The following SMAD2 variants were observed in gnomAD, a reference collection of about 807,000 sequenced individuals.
SMAD2 encodes the protein MAD homolog 2.
A neutral mutation model predicts 64.4 loss-of-function variants in SMAD2; 8 were observed. The ratio of observed to expected loss-of-function variants is 0.12; its 90% CI spans 0.07 to 0.22. The LOEUF (loss-of-function observed/expected upper bound fraction) is 0.22. Ranked by LOEUF, SMAD2 falls within the 10% of genes least tolerant of loss-of-function variation. The probability of loss-of-function intolerance (pLI) is 1.00; values close to 1 mark genes in which losing one functional copy is unlikely to be tolerated. For synonymous variants in SMAD2, 203 were observed against 195.8 expected (o/e 1.04, Z -0.31); for missense variants, 289 against 561.2 (o/e 0.51, Z 4.90).
chr18:47,864,758 A>C, intron 6 of SMAD2, among the ~76,000 whole-genome samples: 1 of 152,178 alleles, frequency 6.6e-6, no homozygotes, highest in East Asian at 1.9e-4. Flanking sequence ...TCATAGGGTT[A>C]CTAAAATTTT....
intron 1 of SMAD2, among the ~76,000 whole-genome samples, chr18:47,916,063 T>C (rs2034323230): frequency 6.6e-6 from 1 of 152,354 alleles, no homozygotes; most frequent in Admixed American, 6.5e-5. Flanking sequence ...ACATGATGAA[T>C]TTCATTTACG....
chr18:47,840,269 A>C lies in SMAD2; in HGVS notation c.*1558T>G. 4.3e-6 allele frequency: 1 copy of C among 232,982 alleles called. No individual in the cohort carries two copies. The highest frequency in any genetic ancestry group is 6.0e-5 in the East Asian group (1 of 16,604). The allele number at this position is 232,982 out of a possible 1,614,324, so 14.4% of individuals were successfully genotyped here. ...CCAAAGACAGCTTCAAAAATATGAA[A>C]ATTTATGAAAAGACGACCAGGAGTG... On this transcript the variant is annotated 3_prime_UTR_variant, in exon 11 of 11. Coordinates refer to ENST00000262160, the MANE Select transcript of SMAD2 (RefSeq NM_005901.6).
intron 4 of SMAD2, 97 bp from the exon 5 acceptor site, chr18:47,868,554 A>C (rs987632617): frequency 1.6e-5 from 15 of 962,238 alleles, no homozygotes; most frequent in African/African-American, 4.8e-5. Flanking sequence ...GTTGTAGCTT[A>C]ATTTTTAAAG....
chr18:47,862,717 T>C (rs2031275592), intron 6 of SMAD2, among the ~76,000 whole-genome samples: 1 of 152,204 alleles, frequency 6.6e-6, no homozygotes, highest in Non-Finnish European at 1.5e-5. Flanking sequence ...ACCCTTTAAG[T>C]CTCTTTGTGT....
At chr18:47,928,317 T>TA (rs1251039690) in intron 1 of SMAD2, among the ~76,000 whole-genome samples, 5 of 152,146 alleles carry the variant, frequency 3.3e-5, no homozygotes, top group African/African-American at 7.2e-5. Flanking sequence ...TTGCAAAATG[T>TA]AAAAATTCAA....
chr18:47,894,819 G>C (rs1437755397), intron 2 of SMAD2, among the ~76,000 whole-genome samples: 1 of 152,274 alleles, frequency 6.6e-6, no homozygotes, highest in East Asian at 1.9e-4. Flanking sequence ...CACATAGTGG[G>C]CATATGATAA....
At chr18:47,927,264 C>A (rs1302889135) in intron 1 of SMAD2, among the ~76,000 whole-genome samples, 2 of 152,056 alleles carry the variant, frequency 1.3e-5, no homozygotes, top group South Asian at 2.1e-4. Flanking sequence ...ATAGACTGTG[C>A]AAAACTGGTG....
rs1197633853 is a variant in SMAD2 at position 47,819,953 on chromosome 18, A to G, written c.*21874T>C. The G allele has an allele frequency of 6.6e-6, 1 of 152,384 alleles. No individual in the cohort carries two copies. The highest frequency in any genetic ancestry group is 1.5e-5 in the Non-Finnish European group (1 of 68,036). 9.4% of individuals were successfully genotyped at this position (152,384 alleles called of 1,614,324 possible). A position where few individuals can be genotyped will look rare whatever the true frequency, so the allele number is the denominator to read the frequency against. ...GAGTTTGAGGCTGCAGTGTGCTACA[A>G]TTGTGCCTGTGAACAGCCACTGAAC... is the stretch of plus-strand genomic sequence containing the variant. On this transcript the variant is annotated 3_prime_UTR_variant, in exon 11 of 11. Transcript: ENST00000262160.
rs1912222556 is a variant in SMAD2, at chr18:47,812,042, G to A, written c.*29785C>T. ...ACTGGGTAATTTATAAAGGAAAGAG[G>A]TTTAATTGACTCAACAGTTCCACAT... On this transcript the variant is annotated 3_prime_UTR_variant, in exon 11 of 11. Transcript: ENST00000262160. The A allele has an allele frequency of 6.6e-6, 1 of 152,142 alleles. No individual in the cohort carries two copies. The highest frequency in any genetic ancestry group is 2.4e-5 in the African/African-American group (1 of 41,422). 9.4% of individuals were successfully genotyped at this position (152,142 alleles called of 1,614,324 possible).
intron 5 of SMAD2, chr18:47,867,223 A>C (rs2031626140): frequency 6.6e-6 from 1 of 152,166 alleles, no homozygotes; most frequent in Non-Finnish European, 1.5e-5. Flanking sequence ...GCAGCTTTAA[A>C]TCCTCTTCTG....
intron 8 of SMAD2, among the ~76,000 whole-genome samples, chr18:47,847,401 A>T (rs1268086583): frequency 6.6e-6 from 1 of 152,126 alleles, no homozygotes; most frequent in Admixed American, 6.5e-5. Flanking sequence ...AACTACTGTT[A>T]AAAGAAGTTA....
intron 6 of SMAD2, 44 bp from the exon 7 acceptor site, chr18:47,851,371 T>G: frequency 7.6e-7 from 1 of 1,321,894 alleles, no homozygotes; most frequent in Non-Finnish European, 1.1e-6. Context: ...TTTCCAGAAC[T>G]TCTGATCAAG....
chr18:47,876,563 T>C (rs1598816512), intron 2 of SMAD2, among the ~76,000 whole-genome samples: 3 of 151,996 alleles, frequency 2.0e-5, no homozygotes, highest in Admixed American at 6.6e-5. Flanking sequence ...AAAACAGCTA[T>C]TAAAGTCATA....
intron 1 of SMAD2, among the ~76,000 whole-genome samples, chr18:47,912,680 C>T (rs536055267): frequency 2.0e-5 from 3 of 152,184 alleles, no homozygotes; most frequent in East Asian, 3.9e-4. Flanking sequence ...ATTATATCCT[C>T]AGAACAAAAC....
chr18:47,842,072 G>A, intron 10 of SMAD2, 122 bp from the exon 11 acceptor site: 2 of 1,103,354 alleles, frequency 1.8e-6, no homozygotes, highest in Non-Finnish European at 2.7e-6. Flanking sequence ...ATATAATTTT[G>A]GACACGATTA....
rs529918716 is a variant in SMAD2 at position 47,859,929 on chromosome 18, T to C, written c.730+5130A>G. On this transcript the variant is annotated intron_variant, in intron 6 of 10. Transcript: ENST00000262160. ...AATATCAGAAATAACTTTATATCAATACATTCTCCAGCCTTGGCAACCTGG... is the reference window on the plus strand; with the variant it reads ...AATATCAGAAATAACTTTATATCAACACATTCTCCAGCCTTGGCAACCTGG... Among the ~76,000 whole-genome samples, 33 of 152,292 alleles carry C rather than the reference T, an allele frequency of 2.2e-4. 1 individual carries two copies. Among genetic ancestry groups the C allele is most frequent in the African/African-American group, 6.7e-4 (28 of 41,568 alleles).
intron 7 of SMAD2, 121 bp from the exon 8 acceptor site, chr18:47,848,808 CAGG>C: frequency 1.4e-6 from 1 of 714,672 alleles, no homozygotes; most frequent in Non-Finnish European, 2.4e-6. Flanking sequence ...GGCAAAAGCT[CAGG>C]AAGTAGACAT....
Position 47,827,042 on chromosome 18 carries a change from C to T in SMAD2, c.*14785G>A, listed in dbSNP as rs1196012746. On this transcript the variant is annotated 3_prime_UTR_variant, in exon 11 of 11. Coordinates refer to ENST00000262160, the MANE Select transcript of SMAD2 (RefSeq NM_005901.6). The stretch of plus-strand genomic sequence containing the variant: ...AATCAGGGTCCAAACCCCAGGCCTC[C>T]GATTCTGAGTCAAACTGCATTTTCC... 4.6e-5 allele frequency: 7 copies of T among 152,124 alleles called. No individual in the cohort carries two copies. The highest frequency in any genetic ancestry group is 9.7e-5 in the African/African-American group (4 of 41,416). The allele number at this position is 152,124 out of a possible 1,614,324, so 9.4% of individuals were successfully genotyped here.
In SMAD2 at chr18:47,896,717, T is replaced by G. The variant is rs1465182715; in HGVS notation, c.40A>C (p.Arg14=). Residue 14 remains arginine (R), a synonymous_variant, in exon 2 of 11, where the codon AGA becomes CGA. Transcript: ENST00000262160. ...ILPFTPPVVK[R]LLGWKKSAGG... ...GCTGACTTCTTCCATCCCAGCAGTC[T>G]CTTCACAACTGGCGGCGTGAATGGC... 4 of 1,614,110 alleles carry G rather than the reference T, an allele frequency of 2.5e-6. No individual in the cohort carries two copies. Among genetic ancestry groups the G allele is most frequent in the Non-Finnish European group, 3.4e-6 (4 of 1,180,006 alleles).
Sources: allele counts gnomAD v4.1 joint callset (sites outside exome capture counted in the v4.1 genomes callset), GRCh38; gene constraint gnomAD v4.1.1; transcripts MANE v1.5; gene names NCBI Gene and HGNC (gene_info 2026-07-23, HGNC 2026-07-21).